Variants in ADGRB3 observed in about 807,000 individuals in gnomAD.
ADGRB3 encodes the protein brain-specific angiogenesis inhibitor 3.
A neutral mutation model predicts 193.4 loss-of-function variants in ADGRB3; 37 were observed. The ratio of observed to expected loss-of-function variants is 0.19; its 90% confidence interval spans 0.15 to 0.25. The LOEUF (loss-of-function observed/expected upper bound fraction) is 0.25, where lower values mean the gene tolerates loss of function less well. Among genes scored for constraint, ADGRB3 ranks in the 10% least tolerant of loss-of-function variants. The pLI, the probability that ADGRB3 is intolerant of heterozygous loss-of-function variation, is 1.00. For missense variants in ADGRB3, 1,637 were observed against 1,852.9 expected (o/e 0.88, Z 2.14); for synonymous variants, 690 against 644.2 (o/e 1.07, Z -1.08).
intron 3 of ADGRB3, among the ~76,000 whole-genome samples, chr6:68,807,142 T>C (rs888047120): frequency 2.6e-5 from 4 of 152,124 alleles, no homozygotes; most frequent in Admixed American, 2.0e-4. Context: ...CAATTTTAGT[T>C]ATAGGGAATG....
intron 23 of ADGRB3, chr6:69,331,557 T>A (rs552328155): frequency 1.0e-6 from 1 of 985,370 alleles, no homozygotes; most frequent in Non-Finnish European, 1.2e-6. Flanking sequence ...TCAACTAAGC[T>A]GTAACAGGGA....
At chr6:68,665,604 C>A (rs1164231064) in intron 3 of ADGRB3, among the ~76,000 whole-genome samples, 1 of 151,716 alleles carries the variant, frequency 6.6e-6, no homozygotes, top group African/African-American at 2.4e-5. Flanking sequence ...GTACCACATA[C>A]CATGATAGTT....
intron 18 of ADGRB3, among the ~76,000 whole-genome samples, chr6:69,234,101 T>C (rs1343506201): frequency 1.3e-5 from 2 of 152,210 alleles, no homozygotes; most frequent in East Asian, 3.8e-4. Context: ...TGTGATATTC[T>C]GCCTACATTT....
At chr6:69,008,043 T>C (rs1359545800) in intron 11 of ADGRB3, among the ~76,000 whole-genome samples, 1 of 152,082 alleles carries the variant, frequency 6.6e-6, no homozygotes, top group Non-Finnish European at 1.5e-5. Flanking sequence ...AAGCTTCTTT[T>C]ATAAGGGCAG....
At chr6:68,803,478 G>A (rs974255578) in intron 3 of ADGRB3, among the ~76,000 whole-genome samples, 1 of 151,814 alleles carries the variant, frequency 6.6e-6, no homozygotes, top group Non-Finnish European at 1.5e-5. Flanking sequence ...ATATATCCAC[G>A]TCTTCACTCC....
intron 3 of ADGRB3, among the ~76,000 whole-genome samples, chr6:68,895,769 A>G (rs1424155744): frequency 1.3e-5 from 2 of 151,956 alleles, no homozygotes; most frequent in East Asian, 1.9e-4. Context: ...GAAACTGGGA[A>G]TTCACATAGT....
intron 17 of ADGRB3, among the ~76,000 whole-genome samples, chr6:69,163,867 T>C (rs1285586890): frequency 6.6e-6 from 1 of 152,112 alleles, no homozygotes; most frequent in Non-Finnish European, 1.5e-5. Context: ...GCATTCAGAG[T>C]AGATCCTTCA....
At chr6:68,701,883 C>G (rs1582133674) in intron 3 of ADGRB3, among the ~76,000 whole-genome samples, 1 of 152,230 alleles carries the variant, frequency 6.6e-6, no homozygotes, top group South Asian at 2.1e-4. Context: ...CCTAATTACT[C>G]TTTAAAGATA....
intron 17 of ADGRB3, among the ~76,000 whole-genome samples, chr6:69,134,681 A>G (rs1046285372): frequency 1.3e-5 from 2 of 151,360 alleles, no homozygotes; most frequent in Non-Finnish European, 3.0e-5. Context: ...GCGGAAACAT[A>G]TATATATATA....
chr6:68,681,513 CAAG>C (rs928470412), intron 3 of ADGRB3, among the ~76,000 whole-genome samples: 1 of 152,094 alleles, frequency 6.6e-6, no homozygotes, highest in Non-Finnish European at 1.5e-5. Context: ...CTTCCGGCCT[CAAG>C]AAGTCCTTTC....
chr6:69,044,540 A>G (rs912090084), intron 13 of ADGRB3, among the ~76,000 whole-genome samples: 2 of 152,232 alleles, frequency 1.3e-5, no homozygotes, highest in Non-Finnish European at 2.9e-5. Flanking sequence ...AAAATTCCCT[A>G]TGCTTTCTGA....
At chr6:69,003,460 G>A (rs915491801) in intron 11 of ADGRB3, among the ~76,000 whole-genome samples, 1 of 152,146 alleles carries the variant, frequency 6.6e-6, no homozygotes, top group African/African-American at 2.4e-5. Flanking sequence ...TAGTTAGAGA[G>A]CAAGGGGATA....
chr6:69,011,160 T>C (rs1451281584), intron 11 of ADGRB3, among the ~76,000 whole-genome samples: 1 of 149,948 alleles, frequency 6.7e-6, no homozygotes, highest in Admixed American at 6.7e-5. Flanking sequence ...TGTGTGTGTG[T>C]GTGTGTGTAT....
chr6:69,102,053 T>A (rs1410973112), intron 17 of ADGRB3, among the ~76,000 whole-genome samples: 1 of 151,824 alleles, frequency 6.6e-6, no homozygotes, highest in East Asian at 1.9e-4. Flanking sequence ...GGCGGACGCC[T>A]GTAGTCCCAG....
Position 69,127,397 on chromosome 6 carries a change from G to A in ADGRB3, c.2480+51359G>A, listed in dbSNP as rs1304071591. On this transcript the variant is annotated intron_variant, in intron 17 of 31. Coordinates refer to ENST00000370598, the MANE Select transcript of ADGRB3 (RefSeq NM_001704.3). Reference sequence around the variant, plus strand: ...AGAGGGAAAAGGATGTCACAGAACTGTGGAATCATTTCCTGCTTATTGTCC... The same window carrying A: ...AGAGGGAAAAGGATGTCACAGAACTATGGAATCATTTCCTGCTTATTGTCC... 3.3e-5 allele frequency among the ~76,000 whole-genome samples: 5 copies of A among 152,312 alleles called. No homozygotes were observed. In the East Asian group the frequency reaches 7.7e-4, roughly 23 times the overall value.
chr6:69,386,072 G>A (rs1234076989), intron 31 of ADGRB3, among the ~76,000 whole-genome samples: 1 of 151,956 alleles, frequency 6.6e-6, no homozygotes, highest in Admixed American at 6.6e-5. Flanking sequence ...GAGTGGCTTG[G>A]GATGCTAAAG....
At chr6:68,872,130 G>T (rs1329711029) in intron 3 of ADGRB3, among the ~76,000 whole-genome samples, 3 of 152,170 alleles carry the variant, frequency 2.0e-5, no homozygotes, top group Non-Finnish European at 4.4e-5. Context: ...AGAGCAGTTG[G>T]AAGGATGGAA....
chr6:68,872,027 G>T (rs1255090391), intron 3 of ADGRB3, among the ~76,000 whole-genome samples: 2 of 136,838 alleles, frequency 1.5e-5, no homozygotes, highest in Non-Finnish European at 3.3e-5. Flanking sequence ...CTGTCTTACG[G>T]TTTTTGTGAT....
chr6:69,386,466 C>T (rs1029092268), intron 31 of ADGRB3, among the ~76,000 whole-genome samples: 7 of 152,072 alleles, frequency 4.6e-5, no homozygotes, highest in Admixed American at 4.6e-4. Flanking sequence ...AGAATTCGAA[C>T]CAGTGAGCCT....
Sources: allele counts gnomAD v4.1 joint callset (sites outside exome capture counted in the v4.1 genomes callset), GRCh38; gene constraint gnomAD v4.1.1; transcripts MANE v1.5; gene names NCBI Gene and HGNC (gene_info 2026-07-23, HGNC 2026-07-21).